ERC2: variants seen among roughly 807,000 people sequenced by gnomAD.
ERC2 encodes the protein ERC protein 2.
ERC2 carries 42 observed loss-of-function variants against 114.8 expected under a neutral mutation model. The ratio of observed to expected loss-of-function variants is 0.37; its 90% confidence interval spans 0.29 to 0.47. ERC2 has a LOEUF of 0.47. Among genes scored for constraint, ERC2 ranks in the 20% least tolerant of loss-of-function variants. The probability of loss-of-function intolerance (pLI) is 0.99; values close to 1 mark genes in which losing one functional copy is unlikely to be tolerated. For missense variants in ERC2, 939 were observed against 1,150.7 expected (o/e 0.82, Z 2.66); for synonymous variants, 454 against 425.5 (o/e 1.07, Z -0.82).
intron 3 of ERC2, among the ~76,000 whole-genome samples, chr3:56,233,577 G>A (rs1008176976): frequency 2.0e-5 from 3 of 151,112 alleles, no homozygotes; most frequent in Non-Finnish European, 4.4e-5. Flanking sequence ...CCAGGAGCTG[G>A]AGGTTGCAGT....
chr3:56,250,078 G>A (rs568139948), intron 3 of ERC2, among the ~76,000 whole-genome samples: 285 of 151,992 alleles, frequency 1.9e-3, no homozygotes, highest in African/African-American at 6.7e-3. Flanking sequence ...GGCTGGTCTT[G>A]AACTCCTGAC....
chr3:55,728,715 G>A, intron 15 of ERC2, among the ~76,000 whole-genome samples: 1 of 152,146 alleles, frequency 6.6e-6, no homozygotes, highest in African/African-American at 2.4e-5. Flanking sequence ...CTAGGCACAG[G>A]CAACCCCCAG....
At chr3:55,549,138 A>G (rs1460647563) in intron 17 of ERC2, among the ~76,000 whole-genome samples, 2 of 152,198 alleles carry the variant, frequency 1.3e-5, no homozygotes, top group East Asian at 1.9e-4. Context: ...ATTTGGCTGC[A>G]TAAGACAGGA....
intron 1 of ERC2, among the ~76,000 whole-genome samples, chr3:56,460,569 C>G (rs955724149): frequency 2.6e-5 from 4 of 152,330 alleles, no homozygotes; most frequent in East Asian, 1.9e-4. Flanking sequence ...GCACCTAGCA[C>G]AGTGCCTACC....
At chr3:55,969,434 CA>C (rs1214090938) in intron 12 of ERC2, among the ~76,000 whole-genome samples, 8 of 144,920 alleles carry the variant, frequency 5.5e-5, no homozygotes, top group Admixed American at 4.2e-4. Context: ...CACACACACA[CA>C]CCCTTCACCA....
chr3:56,325,575 A>G (rs1443521745), intron 2 of ERC2, among the ~76,000 whole-genome samples: 3 of 152,258 alleles, frequency 2.0e-5, no homozygotes, highest in African/African-American at 7.2e-5. Context: ...TTGTAAATGT[A>G]TCACCAATAG....
intron 7 of ERC2, among the ~76,000 whole-genome samples, chr3:56,038,440 C>A (rs551791897): frequency 6.6e-6 from 1 of 152,106 alleles, no homozygotes; most frequent in South Asian, 2.1e-4. Context: ...ACAACAGATG[C>A]TGGTGAGGCT....
intron 17 of ERC2, among the ~76,000 whole-genome samples, chr3:55,539,175 A>C (rs1017181813): frequency 6.6e-5 from 10 of 152,162 alleles, no homozygotes; most frequent in African/African-American, 2.4e-4. Context: ...AAAGAAGCAC[A>C]ATGTTAGAGT....
At chr3:55,849,175 C>G (rs987987741) in intron 14 of ERC2, among the ~76,000 whole-genome samples, 4 of 152,130 alleles carry the variant, frequency 2.6e-5, no homozygotes, top group East Asian at 3.9e-4. Flanking sequence ...ACAGACCACA[C>G]AGTAATGGCA....
chr3:56,364,028 C>T (rs942004597), intron 2 of ERC2, among the ~76,000 whole-genome samples: 2 of 152,170 alleles, frequency 1.3e-5, no homozygotes, highest in East Asian at 3.8e-4. Flanking sequence ...AGTCCAGCTC[C>T]GTGGCCTAGC....
intron 2 of ERC2, among the ~76,000 whole-genome samples, chr3:56,348,445 T>C (rs921991367): frequency 6.6e-6 from 1 of 151,672 alleles, no homozygotes. Flanking sequence ...GTCTAGATGC[T>C]AGATCTTCAA....
intron 14 of ERC2, among the ~76,000 whole-genome samples, chr3:55,792,000 G>A (rs994315657): frequency 5.3e-5 from 8 of 152,146 alleles, no homozygotes; most frequent in East Asian, 1.9e-4. Context: ...ACCCACGACT[G>A]TGTATCTTAT....
At chr3:56,187,432 T>C (rs543864906) in intron 3 of ERC2, among the ~76,000 whole-genome samples, 2 of 152,280 alleles carry the variant, frequency 1.3e-5, no homozygotes, top group Admixed American at 1.3e-4. Context: ...ATGGAGTAAA[T>C]AGGGTAGGAC....
intron 14 of ERC2, among the ~76,000 whole-genome samples, chr3:55,792,510 C>G (rs563919784): frequency 6.6e-6 from 1 of 152,072 alleles, no homozygotes; most frequent in Non-Finnish European, 1.5e-5. Context: ...ATCACCAGCC[C>G]CTGTGCTCAG....
intron 2 of ERC2, among the ~76,000 whole-genome samples, chr3:56,395,246 T>G (rs919825568): frequency 6.6e-6 from 1 of 152,182 alleles, no homozygotes; most frequent in Non-Finnish European, 1.5e-5. Flanking sequence ...TAAAAATCAC[T>G]GAATTGTACA....
intron 14 of ERC2, among the ~76,000 whole-genome samples, chr3:55,779,023 G>C (rs1399991717): frequency 1.3e-5 from 2 of 151,822 alleles, no homozygotes; most frequent in Non-Finnish European, 2.9e-5. Context: ...AAAATAATAG[G>C]GAAGAGGCAG....
intron 14 of ERC2, among the ~76,000 whole-genome samples, chr3:55,792,997 G>A (rs1023330763): frequency 9.8e-5 from 15 of 152,294 alleles, no homozygotes; most frequent in Admixed American, 9.2e-4. Context: ...CTGAGCCCTG[G>A]GGAGTATATA....
At chr3:55,958,995 A>G (rs1180493553) in intron 12 of ERC2, among the ~76,000 whole-genome samples, 2 of 152,168 alleles carry the variant, frequency 1.3e-5, no homozygotes, top group African/African-American at 4.8e-5. Context: ...CTGGACCCAC[A>G]GAGCATGCAA....
At chr3:55,732,070 GC>G (rs2065284149) in intron 15 of ERC2, among the ~76,000 whole-genome samples, 1 of 152,032 alleles carries the variant, frequency 6.6e-6, no homozygotes, top group East Asian at 1.9e-4. Context: ...TCACTTACAA[GC>G]TGTGAGTCGT....
Sources: gnomAD v4.1 joint callset for allele counts (sites outside exome capture counted in the v4.1 genomes callset) on GRCh38, gnomAD v4.1.1 for gene constraint, MANE v1.5 for transcripts, NCBI Gene and HGNC (gene_info 2026-07-23, HGNC 2026-07-21) for gene names.